Variants in SOX5 observed in about 807,000 individuals in gnomAD.
SOX5 encodes SRY-box transcription factor 5.
Under a neutral mutation model 92.0 loss-of-function variants are expected in SOX5, and 9 were observed. The ratio of observed to expected loss-of-function variants is 0.10; its 90% confidence interval spans 0.06 to 0.17. The LOEUF (loss-of-function observed/expected upper bound fraction) is 0.17. SOX5 is among the 10% of genes least tolerant of loss of function. The pLI, the probability that SOX5 is intolerant of heterozygous loss-of-function variation, is 1.00. For synonymous variants in SOX5, 344 were observed against 336.3 expected (o/e 1.02, Z -0.25); for missense variants, 642 against 944.5 (o/e 0.68, Z 4.20).
In SOX5 at chr12:23,949,648, G is replaced by A. The variant is rs756144060; in HGVS notation, c.-47C>T. The A allele has an allele frequency of 5.3e-5, 86 of 1,613,176 alleles. No individual in the cohort carries two copies. The Middle Eastern group carries it at 9.9e-4, about 19-fold the overall frequency. ...TTTGTCACAGCAGCCACCTATGATC[G>A]TCTCCAACTGAACCTGTCAAGTGAG... On this transcript the variant is annotated 5_prime_UTR_variant, in exon 1 of 15. In the 5' UTR this introduces an upstream ATG that the reference lacks. Transcript: ENST00000451604.
At chr12:24,259,409 T>C (rs1379292660) in intron 3 of SOX5, among the ~76,000 whole-genome samples, 2 of 152,212 alleles carry the variant, frequency 1.3e-5, no homozygotes, top group African/African-American at 4.8e-5. Flanking sequence ...GTTCAATGCA[T>C]TGTTTACTGA....
chr12:23,719,172 G>C (rs1018165215), intron 6 of SOX5, among the ~76,000 whole-genome samples: 28 of 152,084 alleles, frequency 1.8e-4, no homozygotes, highest in Non-Finnish European at 3.2e-4. Context: ...CTGTGATTAT[G>C]ATTATATGCA....
chr12:23,566,767 A>C (rs540676741), intron 10 of SOX5, among the ~76,000 whole-genome samples: 1 of 152,368 alleles, frequency 6.6e-6, no homozygotes, highest in East Asian at 1.9e-4. Context: ...ATCATAATAA[A>C]TGGTCAATGA....
chr12:24,249,029 C>T (rs187837889), intron 3 of SOX5, among the ~76,000 whole-genome samples: 20 of 152,276 alleles, frequency 1.3e-4, no homozygotes, highest in Non-Finnish European at 2.6e-4. Flanking sequence ...ATGGCTTGCA[C>T]GGATATATCG....
intron 4 of SOX5, among the ~76,000 whole-genome samples, chr12:24,036,305 G>T (rs767503538): frequency 5.3e-5 from 8 of 152,072 alleles, no homozygotes; most frequent in Non-Finnish European, 1.2e-4. Flanking sequence ...TAGGAAGGGG[G>T]TAGTCCCATG....
intron 4 of SOX5, among the ~76,000 whole-genome samples, chr12:24,163,055 A>G (rs1952953558): frequency 6.6e-6 from 1 of 152,142 alleles, no homozygotes; most frequent in Middle Eastern, 3.2e-3. Context: ...CGTAAGCTGG[A>G]GGAGCTATTT....
intron 1 of SOX5, among the ~76,000 whole-genome samples, chr12:24,448,002 G>A (rs1197350042): frequency 6.6e-6 from 1 of 152,146 alleles, no homozygotes; most frequent in East Asian, 1.9e-4. Context: ...ACAACATGGT[G>A]AAACCCTATC....
At chr12:23,820,251 C>T (rs1274502817) in intron 3 of SOX5, among the ~76,000 whole-genome samples, 1 of 152,078 alleles carries the variant, frequency 6.6e-6, no homozygotes, top group Non-Finnish European at 1.5e-5. Flanking sequence ...TGTTCATATC[C>T]TTTGCCCACT....
At chr12:23,838,616 A>G (rs1050546933) in intron 3 of SOX5, among the ~76,000 whole-genome samples, 3 of 152,154 alleles carry the variant, frequency 2.0e-5, no homozygotes, top group African/African-American at 7.2e-5. Flanking sequence ...TTATTTACCA[A>G]GTCACTCCTC....
intron 1 of SOX5, among the ~76,000 whole-genome samples, chr12:24,503,526 G>A (rs138700576): frequency 1.9e-4 from 29 of 152,272 alleles, no homozygotes; most frequent in Non-Finnish European, 3.4e-4. Context: ...ACATGCACAC[G>A]TATGTTTATT....
chr12:24,371,341 T>TC (rs758608692), intron 1 of SOX5, among the ~76,000 whole-genome samples: 13 of 151,572 alleles, frequency 8.6e-5, no homozygotes, highest in African/African-American at 2.9e-4. Context: ...GACAGATTTT[T>TC]CCCCCCCAGG....
intron 6 of SOX5, among the ~76,000 whole-genome samples, chr12:23,676,751 C>A (rs565453046): frequency 6.6e-6 from 1 of 152,130 alleles, no homozygotes; most frequent in East Asian, 1.9e-4. Context: ...CTTTTCTCTC[C>A]GTTATTTGGG....
chr12:24,460,147 C>T (rs943301940), intron 1 of SOX5, among the ~76,000 whole-genome samples: 1 of 152,182 alleles, frequency 6.6e-6, no homozygotes, highest in Non-Finnish European at 1.5e-5. Context: ...ACCTTCCTAA[C>T]AGTGCTGGTG....
intron 9 of SOX5, among the ~76,000 whole-genome samples, chr12:23,577,095 T>C (rs1291163020): frequency 6.7e-6 from 1 of 149,484 alleles, no homozygotes. Context: ...TAAATCATTT[T>C]ATGAAATGGT....
intron 2 of SOX5, among the ~76,000 whole-genome samples, chr12:23,889,459 T>C (rs1379302429): frequency 6.6e-6 from 1 of 152,190 alleles, no homozygotes; most frequent in Non-Finnish European, 1.5e-5. Flanking sequence ...AACTGTTAGA[T>C]TGTAAGCAAA....
chr12:23,952,351 T>G (rs1301586583), upstream of SOX5, among the ~76,000 whole-genome samples: 1 of 152,220 alleles, frequency 6.6e-6, no homozygotes, highest in Non-Finnish European at 1.5e-5. Flanking sequence ...TACCTCTGGT[T>G]GTTTCTTTGA....
At chr12:24,342,188 C>T (rs1952654797) in intron 2 of SOX5, among the ~76,000 whole-genome samples, 1 of 152,172 alleles carries the variant, frequency 6.6e-6, no homozygotes, top group Non-Finnish European at 1.5e-5. Flanking sequence ...CAGATCAGCC[C>T]ATAAACTCTG....
chr12:23,910,197 A>C (rs1479452137), intron 1 of SOX5, among the ~76,000 whole-genome samples: 1 of 152,182 alleles, frequency 6.6e-6, no homozygotes, highest in Non-Finnish European at 1.5e-5. Flanking sequence ...ATTAAAGCAC[A>C]TATAATAGAG....
intron 3 of SOX5, among the ~76,000 whole-genome samples, chr12:23,841,046 C>T (rs2096507753): frequency 6.6e-6 from 1 of 152,020 alleles, no homozygotes; most frequent in Non-Finnish European, 1.5e-5. Context: ...AATGCAAACA[C>T]AAGCTGCAGA....
Sources: allele counts gnomAD v4.1 joint callset (sites outside exome capture counted in the v4.1 genomes callset), GRCh38; gene constraint gnomAD v4.1.1; transcripts MANE v1.5; gene names NCBI Gene and HGNC (gene_info 2026-07-23, HGNC 2026-07-21).